Variants in LRRC7 observed in about 807,000 individuals in gnomAD.
LRRC7 encodes leucine-rich repeat-containing protein 7.
A neutral mutation model predicts 175.7 loss-of-function variants in LRRC7; 23 were observed. The observed-to-expected ratio is 0.13, with a 90% CI of 0.09 to 0.19. The LOEUF (loss-of-function observed/expected upper bound fraction) is 0.19, where lower values mean the gene tolerates loss of function less well. LRRC7 is among the 10% of genes least tolerant of loss of function. The pLI is 1.00. For synonymous variants in LRRC7, 685 were observed against 680.9 expected (o/e 1.01, Z -0.09); for missense variants, 1,354 against 1,904.7 (o/e 0.71, Z 5.38).
At chr1:69,648,286 A>C in intron 1 of LRRC7, among the ~76,000 whole-genome samples, 1 of 152,174 alleles carries the variant, frequency 6.6e-6, no homozygotes, top group East Asian at 1.9e-4. Flanking sequence ...TGAAAATAAT[A>C]CTCGAGGTGT....
At chr1:70,050,366 C>G (rs1009218822) in intron 22 of LRRC7, among the ~76,000 whole-genome samples, 1 of 152,014 alleles carries the variant, frequency 6.6e-6, no homozygotes, top group African/African-American at 2.4e-5. Flanking sequence ...TATTGCATGT[C>G]TTATCAAATA....
At chr1:69,872,102 GC>G (rs1160422566) in intron 7 of LRRC7, among the ~76,000 whole-genome samples, 2 of 151,916 alleles carry the variant, frequency 1.3e-5, no homozygotes, top group Non-Finnish European at 2.9e-5. Flanking sequence ...AATTTCTAAT[GC>G]AGCTAATGTG....
intron 7 of LRRC7, among the ~76,000 whole-genome samples, chr1:69,913,644 TGGGATTAC>T: frequency 6.6e-6 from 1 of 152,118 alleles, no homozygotes; most frequent in Non-Finnish European, 1.5e-5. Context: ...CCCAAGTAGC[TGGGATTAC>T]AGGCACCCAT....
At chr1:69,957,283 A>G (rs1367247091) in intron 8 of LRRC7, among the ~76,000 whole-genome samples, 1 of 151,790 alleles carries the variant, frequency 6.6e-6, no homozygotes, top group Non-Finnish European at 1.5e-5. Context: ...GTATTTTTCT[A>G]CCAAACACAC....
intron 4 of LRRC7, 87 bp from the exon 5 acceptor site, chr1:69,825,661 T>C (rs1679820683): frequency 1.2e-6 from 1 of 846,944 alleles, no homozygotes; most frequent in East Asian, 2.8e-5. Flanking sequence ...TGACTCATAG[T>C]TTTAATAATT....
intron 23 of LRRC7, among the ~76,000 whole-genome samples, chr1:70,058,685 A>G (rs1283774305): frequency 6.6e-6 from 1 of 152,238 alleles, no homozygotes; most frequent in Non-Finnish European, 1.5e-5. Flanking sequence ...ATTTTGTTAA[A>G]GAAGAAACTC....
At chr1:69,589,004 T>TGTGTGTGC (rs1259930794) in intron 1 of LRRC7, among the ~76,000 whole-genome samples, 20 of 151,486 alleles carry the variant, frequency 1.3e-4, no homozygotes, top group African/African-American at 4.9e-4. Context: ...TGTGTGTGTG[T>TGTGTGTGC]GTGTGCGTGC....
chr1:69,710,844 C>T (rs1406138324), intron 2 of LRRC7, among the ~76,000 whole-genome samples: 1 of 152,152 alleles, frequency 6.6e-6, no homozygotes, highest in Admixed American at 6.5e-5. Context: ...ATTCATATTG[C>T]ATCCCAGAGC....
chr1:69,875,373 T>C (rs1685947344), intron 7 of LRRC7, among the ~76,000 whole-genome samples: 5 of 152,046 alleles, frequency 3.3e-5, no homozygotes, highest in Admixed American at 3.3e-4. Flanking sequence ...CTTGTATGTG[T>C]AGCATAAAGG....
intron 1 of LRRC7, among the ~76,000 whole-genome samples, chr1:69,645,621 C>T (rs549211603): frequency 3.7e-4 from 56 of 152,176 alleles, no homozygotes; most frequent in African/African-American, 1.3e-3. Flanking sequence ...TTTGTTTGAA[C>T]TGCTCTTTGG....
intron 2 of LRRC7, 97 bp downstream of exon 2, chr1:69,678,575 A>G: frequency 1.2e-6 from 1 of 813,970 alleles, no homozygotes. Flanking sequence ...TAGTCAAGCA[A>G]TAGAATATTT....
At chr1:69,813,361 G>A (rs930228857) in intron 4 of LRRC7, among the ~76,000 whole-genome samples, 1 of 152,004 alleles carries the variant, frequency 6.6e-6, no homozygotes, top group African/African-American at 2.4e-5. Flanking sequence ...TTGAATTCAT[G>A]GTTGCAAATC....
intron 22 of LRRC7, among the ~76,000 whole-genome samples, chr1:70,045,416 A>G (rs947802290): frequency 1.5e-4 from 23 of 152,236 alleles, no homozygotes; most frequent in Non-Finnish European, 2.2e-4. Flanking sequence ...TCATGAGCCA[A>G]TACAAATTGG....
At chr1:70,069,185 G>A (rs1047479029) in intron 23 of LRRC7, among the ~76,000 whole-genome samples, 17 of 152,134 alleles carry the variant, frequency 1.1e-4, no homozygotes, top group African/African-American at 4.1e-4. Flanking sequence ...ATTTATAAAG[G>A]AAGGAGATTT....
chr1:69,799,531 G>T (rs190610401), intron 4 of LRRC7, among the ~76,000 whole-genome samples: 1 of 152,184 alleles, frequency 6.6e-6, no homozygotes, highest in African/African-American at 2.4e-5. Context: ...TGCAGCAAAA[G>T]ACATGATTGC....
At chr1:69,596,741 T>C (rs1034672879) in intron 1 of LRRC7, among the ~76,000 whole-genome samples, 4 of 152,258 alleles carry the variant, frequency 2.6e-5, no homozygotes, top group Non-Finnish European at 5.9e-5. Flanking sequence ...TCCTTGTACC[T>C]ATTTTGAGAG....
intron 8 of LRRC7, among the ~76,000 whole-genome samples, chr1:69,969,022 G>A (rs1475692097): frequency 6.6e-6 from 1 of 151,892 alleles, no homozygotes; most frequent in Non-Finnish European, 1.5e-5. Context: ...GTTTCACCGT[G>A]TTAGCCAGGA....
At chr1:70,001,746 G>A (rs1468828894) in intron 11 of LRRC7, among the ~76,000 whole-genome samples, 1 of 152,120 alleles carries the variant, frequency 6.6e-6, no homozygotes, top group Non-Finnish European at 1.5e-5. Context: ...TGTTGTTGCT[G>A]AACCTTACTA....
chr1:69,721,121 T>C (rs1029762780), intron 2 of LRRC7, among the ~76,000 whole-genome samples: 2 of 151,866 alleles, frequency 1.3e-5, no homozygotes, highest in Non-Finnish European at 2.9e-5. Context: ...TACAGAGCAT[T>C]CCCATTCACC....
Sources: allele counts gnomAD v4.1 joint callset (sites outside exome capture counted in the v4.1 genomes callset), GRCh38; gene constraint gnomAD v4.1.1; transcripts MANE v1.5; gene names NCBI Gene and HGNC (gene_info 2026-07-23, HGNC 2026-07-21).